RPH3A: variants seen among roughly 807,000 people sequenced by gnomAD.
RPH3A encodes the protein rabphilin-3A.
Under a neutral mutation model 102.2 loss-of-function variants are expected in RPH3A, and 48 were observed. The ratio of observed to expected loss-of-function variants is 0.47; its 90% CI spans 0.37 to 0.60. RPH3A has a LOEUF of 0.60. Among genes scored for constraint, RPH3A ranks in the 20% least tolerant of loss-of-function variants. RPH3A has a pLI of 0.00. For synonymous variants in RPH3A, 310 were observed against 324.3 expected, an observed-to-expected ratio of 0.96 and a Z score of 0.47; for missense variants, 781 against 910.1, an observed-to-expected ratio of 0.86 and a Z score of 1.83.
At chr12:112,880,672 G>A (rs1298774794) in intron 14 of RPH3A, among the ~76,000 whole-genome samples, 1 of 152,140 alleles carries the variant, frequency 6.6e-6, no homozygotes, top group Non-Finnish European at 1.5e-5. Flanking sequence ...TTAACCCCCT[G>A]AGCAGCTGAA....
chr12:112,732,425 A>C (rs2040641028), intron 1 of RPH3A, among the ~76,000 whole-genome samples: 1 of 152,198 alleles, frequency 6.6e-6, no homozygotes, highest in Non-Finnish European at 1.5e-5. Context: ...ACATGGGATT[A>C]ATAATTCCTA....
chr12:112,880,620 T>C (rs1489745245), intron 14 of RPH3A, among the ~76,000 whole-genome samples: 1 of 152,142 alleles, frequency 6.6e-6, no homozygotes, highest in African/African-American at 2.4e-5. Flanking sequence ...AGGAGATCAA[T>C]GGACACAATA....
intron 1 of RPH3A, among the ~76,000 whole-genome samples, chr12:112,698,364 G>C (rs1565851402): frequency 6.6e-6 from 1 of 152,058 alleles, no homozygotes; most frequent in Non-Finnish European, 1.5e-5. Flanking sequence ...TCTTAGCTAA[G>C]ACAAAAAAGC....
intron 1 of RPH3A, among the ~76,000 whole-genome samples, chr12:112,713,067 CT>C (rs2040489250): frequency 8.4e-6 from 1 of 119,612 alleles, no homozygotes; most frequent in African/African-American, 3.2e-5. Flanking sequence ...TCTTCTTCTT[CT>C]TCTTCTTCTT....
chr12:112,610,332 G>T (rs957409314), intron 1 of RPH3A, among the ~76,000 whole-genome samples: 1 of 151,876 alleles, frequency 6.6e-6, no homozygotes, highest in African/African-American at 2.4e-5. Flanking sequence ...GTGAAACCCC[G>T]TCTCTACTAA....
intron 5 of RPH3A, among the ~76,000 whole-genome samples, chr12:112,860,438 TG>T (rs2042487822): frequency 6.6e-6 from 1 of 152,120 alleles, no homozygotes; most frequent in Admixed American, 6.5e-5. Context: ...CTGAATAACG[TG>T]TGTTCATGAG....
intron 1 of RPH3A, among the ~76,000 whole-genome samples, chr12:112,576,800 T>C (rs2039362113): frequency 6.6e-6 from 1 of 151,298 alleles, no homozygotes; most frequent in African/African-American, 2.4e-5. Context: ...GTCTTACTCT[T>C]GTCAGGGCCC....
chr12:112,633,969 T>A (rs1839642705), intron 1 of RPH3A, among the ~76,000 whole-genome samples: 1 of 152,148 alleles, frequency 6.6e-6, no homozygotes, highest in Admixed American at 6.5e-5. Context: ...AAGTTCTAAG[T>A]CAAGATGGGA....
At chr12:112,616,599 A>G (rs1013423022) in intron 1 of RPH3A, among the ~76,000 whole-genome samples, 24 of 152,228 alleles carry the variant, frequency 1.6e-4, no homozygotes, top group African/African-American at 5.5e-4. Context: ...TGGGAGGATT[A>G]AAAAATAACA....
chr12:112,775,849 A>G (rs35300855), intron 1 of RPH3A, among the ~76,000 whole-genome samples: 3,767 of 152,322 alleles, frequency 0.025, 164 homozygotes, highest in African/African-American at 0.086. Flanking sequence ...GCAAAGAAAC[A>G]TGGTCCTTTT....
intron 2 of RPH3A, among the ~76,000 whole-genome samples, chr12:112,800,126 C>T (rs1423533420): frequency 1.3e-5 from 2 of 151,960 alleles, no homozygotes; most frequent in South Asian, 2.1e-4. Context: ...CTCCAGACCG[C>T]GTGAAGTGCC....
At chr12:112,576,703 ATTTGGTGGAGAGAAGAAT>A (rs964039458) in intron 1 of RPH3A, among the ~76,000 whole-genome samples, 5 of 152,122 alleles carry the variant, frequency 3.3e-5, no homozygotes, top group Admixed American at 3.3e-4. Flanking sequence ...GCCCCACATA[ATTTGGTGGAGAGAAGAAT>A]TTTGGTGGAG....
intron 1 of RPH3A, among the ~76,000 whole-genome samples, chr12:112,722,181 A>T: frequency 6.6e-6 from 1 of 152,188 alleles, no homozygotes; most frequent in East Asian, 1.9e-4. Flanking sequence ...TTGGATTTTT[A>T]TGGCTAGCTC....
chr12:112,606,278 A>T (rs1225521333), intron 1 of RPH3A, among the ~76,000 whole-genome samples: 1 of 151,922 alleles, frequency 6.6e-6, no homozygotes, highest in African/African-American at 2.4e-5. Flanking sequence ...TTTACTATTT[A>T]CTCGCTGTGG....
intron 2 of RPH3A, among the ~76,000 whole-genome samples, chr12:112,794,306 C>A (rs2041184898): frequency 6.6e-6 from 1 of 152,212 alleles, no homozygotes; most frequent in Non-Finnish European, 1.5e-5. Flanking sequence ...GGTTCTCTGA[C>A]TATGAGATAG....
At chr12:112,774,840 TAGGAAAAA>T (rs1470755092) in intron 1 of RPH3A, among the ~76,000 whole-genome samples, 1 of 151,502 alleles carries the variant, frequency 6.6e-6, no homozygotes, top group Non-Finnish European at 1.5e-5. Flanking sequence ...GTAGGAAAAA[TAGGAAAAA>T]TTGCATGCTG....
At position 112,897,147 on chromosome 12, in the gene RPH3A, C is replaced by CATGT. The variant is rs2043193467; in HGVS notation, c.*368_*369insTGTA. ...TCCTAGCCTTGAACACACACATGTA[C>CATGT]ACACACACACACACACACACACACA... On this transcript the variant is annotated 3_prime_UTR_variant, in exon 22 of 22. Transcript: ENST00000389385. 1.5e-5 allele frequency: 1 copy of CATGT among 68,792 alleles called. No individual in the cohort carries two copies. The highest frequency in any genetic ancestry group is 1.6e-4 in the Admixed American group (1 of 6,254). 4.3% of individuals were successfully genotyped at this position (68,792 alleles called of 1,614,324 possible).
chr12:112,874,792 A>G lies in RPH3A; in HGVS notation c.797-292A>G, dbSNP rs553716760. On this transcript the variant is annotated intron_variant, in intron 10 of 21. Transcript: ENST00000389385. ...ATTATCTCCATATACCAGGTGAGGAAACTGAGGCCCAGAGAGGACAGGTCA... is the reference window on the plus strand; with the variant it reads ...ATTATCTCCATATACCAGGTGAGGAGACTGAGGCCCAGAGAGGACAGGTCA... 5 of 374,290 alleles carry G rather than the reference A, an allele frequency of 1.3e-5. 1 individual carries two copies. In the East Asian group the frequency reaches 2.0e-4, roughly 15 times the overall value. 23.2% of individuals were successfully genotyped at this position (374,290 alleles called of 1,614,324 possible).
At chr12:112,738,195 T>C (rs1357375078) in intron 1 of RPH3A, among the ~76,000 whole-genome samples, 1 of 97,470 alleles carries the variant, frequency 1.0e-5, no homozygotes, top group Non-Finnish European at 2.1e-5. Context: ...AGTTAATTAA[T>C]TAATTTTTTT....
Sources: allele counts gnomAD v4.1 joint callset (sites outside exome capture counted in the v4.1 genomes callset), GRCh38; gene constraint gnomAD v4.1.1; transcripts MANE v1.5; gene names NCBI Gene and HGNC (gene_info 2026-07-23, HGNC 2026-07-21).